The following HUNK variants were observed in gnomAD, a reference collection of about 807,000 sequenced individuals.
The protein encoded by HUNK is hormonally up-regulated Neu-associated kinase.
A neutral mutation model predicts 61.0 loss-of-function variants in HUNK; 21 were observed. That is an observed-to-expected ratio of 0.34 (90% CI 0.24 to 0.50). The LOEUF is 0.50. Among genes scored for constraint, HUNK ranks in the 20% least tolerant of loss-of-function variants. The pLI is 0.98. For synonymous variants in HUNK, 371 were observed against 386.1 expected (o/e 0.96, Z 0.46); for missense variants, 772 against 945.7 (o/e 0.82, Z 2.41).
intron 1 of HUNK, among the ~76,000 whole-genome samples, chr21:31,918,976 TATGAGGAGGAGGGGCTGGACTGAGC>T (rs2052604039): frequency 6.8e-6 from 1 of 146,250 alleles, no homozygotes; most frequent in Admixed American, 6.8e-5. Context: ...GACTGAGCGG[TATGAGGAGGAGGGGCTGGACTGAGC>T]GGTATGAGGA....
intron 2 of HUNK, among the ~76,000 whole-genome samples, chr21:31,935,711 C>T (rs1220815034): frequency 3.9e-5 from 6 of 152,146 alleles, no homozygotes; most frequent in African/African-American, 7.2e-5. Context: ...ATGCATTTGA[C>T]GTTCCTCCAT....
rs1433087849 is a variant in HUNK at position 31,958,820 on chromosome 21, C to T, written c.747-23C>T. ...TCCCCAGGGGACCTGACTCCGCTTT[C>T]ATGTGTATGTCTCTCTTTTCAGAGG... is the stretch of plus-strand genomic sequence containing the variant. On this transcript the variant is annotated intron_variant, in intron 4 of 10. Coordinates refer to ENST00000270112, the MANE Select transcript of HUNK (RefSeq NM_014586.2). The T allele has an allele frequency of 5.1e-6, 8 of 1,560,468 alleles. No homozygotes were observed. The South Asian group carries it at 9.4e-5, about 18-fold the overall frequency.
At position 32,003,507 on chromosome 21, in the gene HUNK, G is replaced by A. The variant is rs1287282968; in HGVS notation, c.*4323G>A. The A allele has an allele frequency of 6.6e-6, 1 of 152,170 alleles. No individual in the cohort carries two copies. Among genetic ancestry groups the A allele is most frequent in the Non-Finnish European group, 1.5e-5 (1 of 68,032 alleles). The allele number at this position is 152,170 out of a possible 1,614,324, so 9.4% of individuals were successfully genotyped here. A position where few individuals can be genotyped will look rare whatever the true frequency, so the allele number is the denominator to read the frequency against. On this transcript the variant is annotated 3_prime_UTR_variant, in exon 11 of 11. Coordinates refer to ENST00000270112, the MANE Select transcript of HUNK (RefSeq NM_014586.2). The stretch of plus-strand genomic sequence containing the variant: ...TTTGGGGGAGTCTGGAAGCCTGTTG[G>A]TTAGTGTATTTATTTTCTTTGTGGG...
rs762978845 is a variant in HUNK, at chr21:31,995,831, T to G, written c.1369T>G (p.Leu457Val). The G allele has an allele frequency of 5.6e-6, 9 of 1,614,124 alleles. No homozygotes were observed. Among genetic ancestry groups the G allele is most frequent in the Non-Finnish European group, 7.6e-6 (9 of 1,179,986 alleles). The change falls in exon 10 of 11, where the codon TTG (leucine) becomes GTG (valine). Residue 457 changes from leucine to valine, a missense_variant. By Grantham distance (32) the Leu-to-Val change is conservative (BLOSUM62 1). Around this residue, in one of 2 missense-constraint regions of HUNK, gnomAD observed 413 missense variants for 444.4 expected, o/e 0.93. Transcript: ENST00000270112. Reference sequence around the variant, plus strand: ...TCTTCATCGACCATTCTCCAAGAAGTTGGACAAGAACCTGCCCTCGCACAA... The same window carrying G: ...TCTTCATCGACCATTCTCCAAGAAGGTGGACAAGAACCTGCCCTCGCACAA... ...DFLHRPFSKK[L>V]DKNLPSHKQP... is the part of the protein sequence containing the mutation.
chr21:31,918,243 G>T (rs1362874848), intron 1 of HUNK, among the ~76,000 whole-genome samples: 1 of 152,130 alleles, frequency 6.6e-6, no homozygotes, highest in East Asian at 1.9e-4. Context: ...TCAGGGGGTG[G>T]ATGAAAACAA....
intron 1 of HUNK, among the ~76,000 whole-genome samples, chr21:31,916,542 C>G (rs1161657242): frequency 6.6e-6 from 1 of 152,008 alleles, no homozygotes; most frequent in East Asian, 1.9e-4. Flanking sequence ...CAGCAAGTGA[C>G]CTCTCTCCTG....
chr21:31,999,701 C>T lies in HUNK; in HGVS notation c.*517C>T, dbSNP rs2053233521. ...GGCCAGCAGGAGCCGGGGGCAGGCC[C>T]AGGATCCTCAGAGGAAGATGGAGAG... On this transcript the variant is annotated 3_prime_UTR_variant, in exon 11 of 11. Coordinates refer to ENST00000270112, the MANE Select transcript of HUNK (RefSeq NM_014586.2). 2 of 160,068 alleles carry T rather than the reference C, an allele frequency of 1.2e-5. No homozygotes were observed. Among genetic ancestry groups the T allele is most frequent in the Admixed American group, 1.3e-4 (2 of 15,662 alleles). The allele number at this position is 160,068 out of a possible 1,614,324, so 9.9% of individuals were successfully genotyped here.
chr21:31,939,269 T>A (rs11911687), intron 2 of HUNK, among the ~76,000 whole-genome samples: 2,245 of 152,024 alleles, frequency 0.015, 55 homozygotes, highest in African/African-American at 0.052. Flanking sequence ...ATCTTTGGAG[T>A]CCATTATTTT....
At chr21:31,880,218 G>A (rs1160922433) in intron 1 of HUNK, among the ~76,000 whole-genome samples, 1 of 152,186 alleles carries the variant, frequency 6.6e-6, no homozygotes, top group African/African-American at 2.4e-5. Flanking sequence ...GGGGGTAACA[G>A]CCAGCTTGCT....
intron 3 of HUNK, among the ~76,000 whole-genome samples, chr21:31,942,939 C>T (rs1169018745): frequency 6.6e-6 from 1 of 152,172 alleles, no homozygotes; most frequent in African/African-American, 2.4e-5. Flanking sequence ...ACCGCATTTC[C>T]GGAAGGCATG....
At chr21:31,944,731 G>A (rs186462831) in intron 3 of HUNK, among the ~76,000 whole-genome samples, 5 of 152,320 alleles carry the variant, frequency 3.3e-5, no homozygotes, top group South Asian at 2.1e-4. Context: ...AGCATGCCTG[G>A]TTGGTTTGCT....
intron 3 of HUNK, among the ~76,000 whole-genome samples, chr21:31,944,374 C>T (rs1424247192): frequency 6.6e-6 from 1 of 152,224 alleles, no homozygotes; most frequent in African/African-American, 2.4e-5. Flanking sequence ...CCACTGTCCC[C>T]GGCAGATTTT....
At chr21:31,894,965 G>T (rs2052415339) in intron 1 of HUNK, among the ~76,000 whole-genome samples, 1 of 152,190 alleles carries the variant, frequency 6.6e-6, no homozygotes, top group Non-Finnish European at 1.5e-5. Flanking sequence ...TGTTATTACA[G>T]TGGAAAAGGC....
Position 31,946,113 on chromosome 21 carries a change from G to A in HUNK, c.688G>A (p.Ala230Thr). 6.2e-7 allele frequency: 1 copy of A among 1,613,644 alleles called. No homozygotes were observed. The highest frequency in any genetic ancestry group is 8.5e-7 in the Non-Finnish European group (1 of 1,179,584). Residue 230 changes from alanine (A) to threonine (T), a missense_variant, in exon 4 of 11, where the codon GCT (alanine) becomes ACT (threonine). Transcript: ENST00000270112. Reference protein sequence around the residue: ...FSTQCGSPAYAAPELLARKKY... With the variant: ...FSTQCGSPAYTAPELLARKKY... ...CACACAGTGTGGCAGCCCTGCCTACGCTGCACCTGAACTGCTCGCCAGGAA... is the reference window on the plus strand; with the variant it reads ...CACACAGTGTGGCAGCCCTGCCTACACTGCACCTGAACTGCTCGCCAGGAA...
chr21:31,972,338 C>T (rs1188229690), intron 6 of HUNK, among the ~76,000 whole-genome samples: 3 of 152,134 alleles, frequency 2.0e-5, no homozygotes, highest in Admixed American at 6.5e-5. Context: ...TTCTCTGTGT[C>T]ATCCAAACAT....
At chr21:31,931,471 T>C (rs934862396) in intron 2 of HUNK, among the ~76,000 whole-genome samples, 1 of 152,210 alleles carries the variant, frequency 6.6e-6, no homozygotes, top group Admixed American at 6.5e-5. Context: ...GGCATCTCCC[T>C]CTGCCAGTGG....
At chr21:31,993,462 G>T (rs961599957) in intron 9 of HUNK, among the ~76,000 whole-genome samples, 1 of 152,212 alleles carries the variant, frequency 6.6e-6, no homozygotes, top group African/African-American at 2.4e-5. Flanking sequence ...CTGCCGTGTT[G>T]TCTTTTCTAC....
At chr21:31,876,882 A>C (rs1601353882) in intron 1 of HUNK, among the ~76,000 whole-genome samples, 1 of 152,132 alleles carries the variant, frequency 6.6e-6, no homozygotes, top group East Asian at 1.9e-4. Flanking sequence ...TCCTGGCCTC[A>C]AGTGATCCTC....
intron 1 of HUNK, among the ~76,000 whole-genome samples, chr21:31,886,739 G>A (rs531996318): frequency 2.6e-5 from 4 of 151,504 alleles, no homozygotes; most frequent in Non-Finnish European, 2.9e-5. Context: ...TCCGCCTCCC[G>A]GGTTCAAGCG....
Sources: gnomAD v4.1 joint callset for allele counts (sites outside exome capture counted in the v4.1 genomes callset) on GRCh38, gnomAD v4.1.1 for gene constraint, gnomAD v4.1.1 regional missense constraint, MANE v1.5 for transcripts, NCBI Gene and HGNC (gene_info 2026-07-23, HGNC 2026-07-21) for gene names.